The following SPTLC2 variants were observed in gnomAD, a reference collection of about 807,000 sequenced individuals.
SPTLC2 encodes the protein serine palmitoyltransferase 2.
A neutral mutation model predicts 62.0 loss-of-function variants in SPTLC2; 21 were observed. The ratio of observed to expected loss-of-function variants is 0.34; its 90% CI spans 0.24 to 0.49. SPTLC2 has a LOEUF of 0.49. Among genes scored for constraint, SPTLC2 ranks in the 20% least tolerant of loss-of-function variants. The probability of loss-of-function intolerance (pLI) is 0.99; values close to 1 mark genes in which losing one functional copy is unlikely to be tolerated. For missense variants in SPTLC2, 511 were observed against 713.0 expected (o/e 0.72, Z 3.23); for synonymous variants, 261 against 261.8 (o/e 1.00, Z 0.03).
Position 77,606,511 on chromosome 14 carries a change from A to T in SPTLC2, c.133-9131T>A, listed in dbSNP as rs924294923. ...CCCTTTAATTTCACATGCCCAGAGA[A>T]GTGGAGATTTCTCATGTTCAATTTT... is the stretch of plus-strand genomic sequence containing the variant. On this transcript the variant is annotated intron_variant, in intron 1 of 11. Coordinates refer to ENST00000216484, the MANE Select transcript of SPTLC2 (RefSeq NM_004863.4). 2.0e-5 allele frequency among the ~76,000 whole-genome samples: 3 copies of T among 152,258 alleles called. 1 individual carries two copies.
At chr14:77,552,987 T>C (rs905268372) in intron 8 of SPTLC2, among the ~76,000 whole-genome samples, 1 of 152,000 alleles carries the variant, frequency 6.6e-6, no homozygotes, top group Non-Finnish European at 1.5e-5. Context: ...AACATCAACT[T>C]TAAGAGCATT....
At chr14:77,548,972 T>C (rs1156967900) in intron 9 of SPTLC2, among the ~76,000 whole-genome samples, 1 of 152,222 alleles carries the variant, frequency 6.6e-6, no homozygotes, top group Non-Finnish European at 1.5e-5. Context: ...TAATGTACTC[T>C]GGAATCCAAC....
chr14:77,561,005 C>A (rs533674688), intron 6 of SPTLC2, among the ~76,000 whole-genome samples: 9 of 121,050 alleles, frequency 7.4e-5, no homozygotes, highest in African/African-American at 2.8e-4. Context: ...TGTACATGTA[C>A]CCCTGAACCT....
chr14:77,570,315 C>G lies in SPTLC2; in HGVS notation c.756+69G>C, dbSNP rs76545605. 157,539 of 1,586,994 alleles carry G rather than the reference C, an allele frequency of 0.099. 8,608 individuals carry two copies. The highest frequency in any genetic ancestry group is 0.17 in the Admixed American group (9,886 of 59,738). ...AAAGTTTATAACAGCTTTTAGCTCA[C>G]TCTGACTGCTTTTCAAAACAAAAGA... On this transcript the variant is annotated intron_variant, in intron 5 of 11. Transcript: ENST00000216484.
At chr14:77,576,711 C>A in intron 4 of SPTLC2, 56 bp downstream of exon 4, 1 of 1,611,838 alleles carries the variant, frequency 6.2e-7, no homozygotes, top group East Asian at 2.2e-5. Flanking sequence ...CTATTATTTG[C>A]CCCTGACTAA....
At chr14:77,540,137 G>A (rs980968229) in intron 9 of SPTLC2, among the ~76,000 whole-genome samples, 6 of 150,422 alleles carry the variant, frequency 4.0e-5, no homozygotes, top group Middle Eastern at 3.5e-3. Context: ...CGGAGGTTGC[G>A]GTAAGCAGAG....
intron 9 of SPTLC2, among the ~76,000 whole-genome samples, chr14:77,529,356 C>T (rs1022819256): frequency 2.7e-5 from 4 of 148,332 alleles, no homozygotes; most frequent in Non-Finnish European, 5.9e-5. Flanking sequence ...AACTTACATA[C>T]CCTTGATGTT....
intron 9 of SPTLC2, among the ~76,000 whole-genome samples, chr14:77,544,389 A>G (rs1288329858): frequency 6.6e-6 from 1 of 152,020 alleles, no homozygotes; most frequent in African/African-American, 2.4e-5. Context: ...GGAACAAACT[A>G]GAATCTTCAT....
chr14:77,601,601 G>A (rs750504218), intron 1 of SPTLC2, among the ~76,000 whole-genome samples: 48 of 152,278 alleles, frequency 3.2e-4, no homozygotes, highest in Non-Finnish European at 6.2e-4. Context: ...CAGGGTCAGC[G>A]GGACTCCTTC....
intron 1 of SPTLC2, among the ~76,000 whole-genome samples, chr14:77,606,476 G>A (rs547999501): frequency 3.0e-4 from 46 of 151,794 alleles, no homozygotes; most frequent in African/African-American, 1.0e-3. Context: ...CTCACAACTT[G>A]ATCATCCCTC....
At chr14:77,516,007 CGCGCGCGCGCATGTGTGTGTGT>C (rs2079357299) in intron 11 of SPTLC2, among the ~76,000 whole-genome samples, 2 of 34,044 alleles carry the variant, frequency 5.9e-5, no homozygotes, top group Non-Finnish European at 7.6e-5. Context: ...TGTGTGTGTG[CGCGCGCGCGCATGTGTGTGTGT>C]GTATTTTACA....
At chr14:77,604,965 G>A (rs2079897619) in intron 1 of SPTLC2, among the ~76,000 whole-genome samples, 1 of 151,188 alleles carries the variant, frequency 6.6e-6, no homozygotes, top group South Asian at 2.1e-4. Context: ...TTATCTTGTA[G>A]TGGAATGGCT....
At position 77,536,924 on chromosome 14, in the gene SPTLC2, C is replaced by T. The variant is rs1197326811; in HGVS notation, c.1303+15172G>A. 2.7e-5 allele frequency among the ~76,000 whole-genome samples: 4 copies of T among 149,258 alleles called. No individual in the cohort carries two copies. In the East Asian group the frequency reaches 7.8e-4, roughly 29 times the overall value. On this transcript the variant is annotated intron_variant, in intron 9 of 11. Coordinates refer to ENST00000216484, the MANE Select transcript of SPTLC2 (RefSeq NM_004863.4). ...ACCAATGTCTATGTATTCCCCCACC[C>T]CCCCACTTCTTTTTTTGAGATGAAG...
chr14:77,536,113 C>A, intron 9 of SPTLC2: 1 of 360,900 alleles, frequency 2.8e-6, no homozygotes, highest in South Asian at 2.1e-5. Flanking sequence ...ATTTCTAGAG[C>A]CTAGATTTTG....
chr14:77,614,005 T>C (rs2079951608), intron 1 of SPTLC2, among the ~76,000 whole-genome samples: 1 of 152,240 alleles, frequency 6.6e-6, no homozygotes, highest in Non-Finnish European at 1.5e-5. Context: ...TTAAAAATAC[T>C]GGTGAGAAGT....
At chr14:77,542,250 A>G (rs1404000817) in intron 9 of SPTLC2, among the ~76,000 whole-genome samples, 1 of 152,046 alleles carries the variant, frequency 6.6e-6, no homozygotes, top group East Asian at 1.9e-4. Context: ...TTTTCACATT[A>G]TCTCACAGAA....
Position 77,616,631 on chromosome 14 carries a change from G to T in SPTLC2, c.-52C>A, listed in dbSNP as rs894833306. The T allele has an allele frequency of 2.0e-6, 3 of 1,514,714 alleles. No homozygotes were observed. Among genetic ancestry groups the T allele is most frequent in the East Asian group, 2.5e-5 (1 of 40,518 alleles). The allele number at this position is 1,514,714 out of a possible 1,614,324, so 93.8% of individuals were successfully genotyped here. A position where few individuals can be genotyped will look rare whatever the true frequency, so the allele number is the denominator to read the frequency against. On this transcript the variant is annotated 5_prime_UTR_variant, in exon 1 of 12. Coordinates refer to ENST00000216484, the MANE Select transcript of SPTLC2 (RefSeq NM_004863.4). ...AGGCTCTGTAGGCGGTGGCAGCGGC[G>T]GCGGCTGCTCCAAGTCCCGCTCCGC...
At chr14:77,538,275 A>G (rs2079481168) in intron 9 of SPTLC2, among the ~76,000 whole-genome samples, 1 of 152,170 alleles carries the variant, frequency 6.6e-6, no homozygotes. Flanking sequence ...TGCAAATCTG[A>G]GTGTTCAAGA....
chr14:77,564,804 T>A (rs1451903052), intron 5 of SPTLC2, among the ~76,000 whole-genome samples: 1 of 150,112 alleles, frequency 6.7e-6, no homozygotes, highest in Non-Finnish European at 1.5e-5. Context: ...GCAATTGTGT[T>A]GAATTATAAG....
Sources: gnomAD v4.1 joint callset for allele counts (sites outside exome capture counted in the v4.1 genomes callset) on GRCh38, gnomAD v4.1.1 for gene constraint, MANE v1.5 for transcripts, NCBI Gene and HGNC (gene_info 2026-07-23, HGNC 2026-07-21) for gene names.